FNDC7: variants seen among roughly 807,000 people sequenced by gnomAD.
FNDC7 encodes the protein fibronectin type III domain containing 7.
Under a neutral mutation model 74.2 loss-of-function variants are expected in FNDC7, and 66 were observed. That is an observed-to-expected ratio of 0.89 (90% CI 0.73 to 1.09). The LOEUF (loss-of-function observed/expected upper bound fraction) is 1.09, where lower values mean the gene tolerates loss of function less well. Among genes scored for constraint, FNDC7 ranks in the 50% least tolerant of loss-of-function variants. The pLI, the probability that FNDC7 is intolerant of heterozygous loss-of-function variation, is 0.00. For missense variants in FNDC7, 829 were observed against 893.4 expected, an observed-to-expected ratio of 0.93 and a Z score of 0.92; for synonymous variants, 307 against 330.2, an observed-to-expected ratio of 0.93 and a Z score of 0.76.
At chr1:108,713,625 AG>A in intron 2 of FNDC7, 96 bp downstream of exon 2, 1 of 1,128,030 alleles carries the variant, frequency 8.9e-7, no homozygotes, top group Non-Finnish European at 1.3e-6. Flanking sequence ...AGGCTATATG[AG>A]AAAAAAAAAT....
intron 6 of FNDC7, 133 bp downstream of exon 6, chr1:108,726,137 A>C: frequency 8.6e-7 from 1 of 1,165,934 alleles, no homozygotes; most frequent in East Asian, 2.4e-5. Context: ...GTAATCTCTT[A>C]TCTCACATTC....
intron 10 of FNDC7, among the ~76,000 whole-genome samples, chr1:108,735,185 C>G (rs1214296998): frequency 6.6e-6 from 1 of 152,216 alleles, no homozygotes; most frequent in Non-Finnish European, 1.5e-5. Flanking sequence ...ATCTCGAATT[C>G]TCGTCCTGGT....
intron 4 of FNDC7, 124 bp downstream of exon 4, chr1:108,719,173 A>T (rs992792340): frequency 5.4e-5 from 59 of 1,090,838 alleles, no homozygotes; most frequent in Non-Finnish European, 7.5e-5. Context: ...AGCTATTTAA[A>T]TTTATTATAA....
In FNDC7 at chr1:108,732,310, C is replaced by A. The variant is rs567421249; in HGVS notation, c.1880-962C>A. ...GGAGGCGGAGTTTGCAGTGAGCCGA[C>A]CAGCCTGGGCAACAGAGCGAGACTC... On this transcript the variant is annotated intron_variant, in intron 9 of 12. Transcript: ENST00000370017. 1.0e-3 allele frequency among the ~76,000 whole-genome samples: 143 copies of A among 139,154 alleles called. 2 individuals are homozygous for A. The highest frequency in any genetic ancestry group is 3.8e-3 in the African/African-American group (138 of 36,442). The allele number at this position is 139,154 out of a possible 152,430, so 91.3% of individuals were successfully genotyped here. A position where few individuals can be genotyped will look rare whatever the true frequency, so the allele number is the denominator to read the frequency against.
intron 11 of FNDC7, among the ~76,000 whole-genome samples, chr1:108,737,809 A>T (rs749313585): frequency 6.6e-6 from 1 of 152,206 alleles, no homozygotes; most frequent in African/African-American, 2.4e-5. Flanking sequence ...CATCCCTCAC[A>T]CTTCAGAAAG....
chr1:108,730,114 C>T (rs1434079470), intron 8 of FNDC7, among the ~76,000 whole-genome samples: 32 of 152,286 alleles, frequency 2.1e-4, no homozygotes, highest in East Asian at 1.9e-4. Context: ...CATGGTGGCT[C>T]ATGCCTGTAA....
chr1:108,730,893 T>G lies in FNDC7; in HGVS notation c.1844T>G (p.Leu615Trp), dbSNP rs1184768906. ...TTAAAAGCAATTAGTGCCACCGGGT[T>G]GACTGCAGATTGCTCCTACCAAAGT... ...VTLKAISATG[L>W]TADCSYQSYF... Residue 615 changes from leucine to tryptophan, a missense_variant, in exon 9 of 13, where the codon TTG becomes TGG. By Grantham distance (61) the Leu-to-Trp change is moderately conservative. Coordinates refer to ENST00000370017, the MANE Select transcript of FNDC7 (RefSeq NM_001144937.3). The G allele has an allele frequency of 6.2e-7, 1 of 1,613,324 alleles. No homozygotes were observed. The highest frequency in any genetic ancestry group is 2.2e-5 in the East Asian group (1 of 44,884).
chr1:108,717,710 T>C, intron 2 of FNDC7, 67 bp from the exon 3 acceptor site: 1 of 1,484,706 alleles, frequency 6.7e-7, no homozygotes, highest in South Asian at 1.2e-5. Flanking sequence ...GCTTGAAGAG[T>C]AAAATGATGA....
At chr1:108,730,628 T>C in intron 8 of FNDC7, 46 bp from the exon 9 acceptor site, 2 of 1,491,670 alleles carry the variant, frequency 1.3e-6, no homozygotes, top group Non-Finnish European at 1.8e-6. Flanking sequence ...CAAATAATCT[T>C]CAGTGGAAAT....
rs1259330967 is a variant in FNDC7, at chr1:108,718,989, G to A, written c.538G>A (p.Ala180Thr). 6.4e-7 allele frequency: 1 copy of A among 1,551,932 alleles called. No individual in the cohort carries two copies. The highest frequency in any genetic ancestry group is 8.7e-7 in the Non-Finnish European group (1 of 1,147,086). ...LEAGTLYTIKAYAWNANRIPG... is the reference protein window; with the variant it reads ...LEAGTLYTIKTYAWNANRIPG... ...AGCCGGAACTCTCTACACCATAAAG[G>A]CCTATGCATGGAATGCCAACAGAAT... Residue 180 changes from alanine (A) to threonine (T), a missense_variant, in exon 4 of 13, where the codon GCC becomes ACC. Physicochemically the swap from Ala to Thr is moderately conservative, Grantham distance 58. Transcript: ENST00000370017.
At chr1:108,730,565 A>C (rs1486339689) in intron 8 of FNDC7, 109 bp from the exon 9 acceptor site, 1 of 1,223,102 alleles carries the variant, frequency 8.2e-7, no homozygotes, top group African/African-American at 1.5e-5. Flanking sequence ...AAGTTGGGGA[A>C]TGTAGGATAT....
chr1:108,735,127 A>G (rs1661478614), intron 10 of FNDC7, among the ~76,000 whole-genome samples: 1 of 152,108 alleles, frequency 6.6e-6, no homozygotes, highest in Non-Finnish European at 1.5e-5. Flanking sequence ...ACATTAGCTA[A>G]AAACCCTGGA....
rs566561416 is a variant in FNDC7, at chr1:108,726,569, T to G, written c.1111+565T>G. On this transcript the variant is annotated intron_variant, in intron 6 of 12. Transcript: ENST00000370017. Reference sequence around the variant, plus strand: ...AGGTCTTGTGTGTGACAAAGCATGATGCACATATTTTTATTATTAGCATCA... The same window carrying G: ...AGGTCTTGTGTGTGACAAAGCATGAGGCACATATTTTTATTATTAGCATCA... Among the ~76,000 whole-genome samples, 3 of 152,326 alleles carry G rather than the reference T, an allele frequency of 2.0e-5. No individual in the cohort carries two copies. The East Asian group carries it at 5.8e-4, about 29-fold the overall frequency.
chr1:108,736,508 G>T (rs2275343), intron 10 of FNDC7, among the ~76,000 whole-genome samples: 108,054 of 152,092 alleles, frequency 0.71, 39,407 homozygotes, highest in Non-Finnish European at 0.78. Flanking sequence ...TGATATATTT[G>T]AAATTTAAAA....
Position 108,733,492 on chromosome 1 carries a change from A to C in FNDC7, c.2100A>C (p.Thr700=), listed in dbSNP as rs1172935623. The C allele has an allele frequency of 6.2e-7, 1 of 1,614,042 alleles. No homozygotes were observed. The highest frequency in any genetic ancestry group is 8.5e-7 in the Non-Finnish European group (1 of 1,179,866). The change falls in exon 10 of 13, where the codon ACA becomes ACC. Residue 700 remains threonine (T), a synonymous_variant. Transcript: ENST00000370017. ...TGATGGTCTCACCAGTTGCTAAAACAGGATTGAAGCTTACTTTCTGTCCAA... is the reference window on the plus strand; with the variant it reads ...TGATGGTCTCACCAGTTGCTAAAACCGGATTGAAGCTTACTTTCTGTCCAA... The part of the protein sequence containing the change: ...YTVMVSPVAK[T]GLKLTFCPKK...
At chr1:108,716,729 G>C (rs1432382549) in intron 2 of FNDC7, among the ~76,000 whole-genome samples, 1 of 151,920 alleles carries the variant, frequency 6.6e-6, no homozygotes, top group African/African-American at 2.4e-5. Flanking sequence ...TGATGCTGGA[G>C]AATCACCTGT....
intron 8 of FNDC7, 145 bp downstream of exon 8, chr1:108,729,031 A>G (rs1661283377): frequency 1.9e-6 from 2 of 1,044,654 alleles, no homozygotes; most frequent in South Asian, 3.5e-5. Flanking sequence ...CCGGTCATAG[A>G]CAATAAAATT....
chr1:108,719,642 G>T (rs1661054010), intron 4 of FNDC7, among the ~76,000 whole-genome samples: 1 of 152,118 alleles, frequency 6.6e-6, no homozygotes, highest in Non-Finnish European at 1.5e-5. Context: ...CTGAAGCTTG[G>T]TGTGCATTTT....
At chr1:108,724,741 G>A (rs905700478) in intron 5 of FNDC7, among the ~76,000 whole-genome samples, 3 of 149,662 alleles carry the variant, frequency 2.0e-5, no homozygotes, top group Admixed American at 6.6e-5. Flanking sequence ...GTGACAGAGC[G>A]AGACCTTGTC....
Sources: gnomAD v4.1 joint callset for allele counts (sites outside exome capture counted in the v4.1 genomes callset) on GRCh38, gnomAD v4.1.1 for gene constraint, MANE v1.5 for transcripts, NCBI Gene and HGNC (gene_info 2026-07-23, HGNC 2026-07-21) for gene names.